The following SLC39A10 variants were observed in gnomAD, a reference collection of about 807,000 sequenced individuals.
SLC39A10 encodes the protein solute carrier family 39 member 10.
SLC39A10 carries 13 observed loss-of-function variants against 65.1 expected under a neutral mutation model. The ratio of observed to expected loss-of-function variants is 0.20; its 90% CI spans 0.13 to 0.32. SLC39A10 has a LOEUF of 0.32. Ranked by LOEUF, SLC39A10 falls within the 10% of genes least tolerant of loss-of-function variation. The pLI is 1.00. For missense variants in SLC39A10, 831 were observed against 1,018.4 expected (o/e 0.82, Z 2.50); for synonymous variants, 321 against 342.2 (o/e 0.94, Z 0.68).
intron 1 of SLC39A10, among the ~76,000 whole-genome samples, chr2:195,676,748 T>G (rs923152426): frequency 6.6e-6 from 1 of 152,232 alleles, no homozygotes; most frequent in African/African-American, 2.4e-5. Context: ...ATTGTCTTGA[T>G]TGTCCTTGGG....
At chr2:195,672,237 C>T (rs1559026072) in intron 1 of SLC39A10, among the ~76,000 whole-genome samples, 1 of 152,076 alleles carries the variant, frequency 6.6e-6, no homozygotes. Context: ...TTCAATCAAT[C>T]CTCCCACCTT....
intron 1 of SLC39A10, among the ~76,000 whole-genome samples, chr2:195,678,150 T>C (rs575865150): frequency 6.6e-6 from 1 of 152,344 alleles, no homozygotes; most frequent in Admixed American, 6.5e-5. Flanking sequence ...TTAAAATTGC[T>C]GTGTAAGTAC....
chr2:195,638,501 G>A (rs933678558), intron 2 of SLC39A10, among the ~76,000 whole-genome samples: 1 of 151,524 alleles, frequency 6.6e-6, no homozygotes, highest in African/African-American at 2.4e-5. Context: ...CACCACACTC[G>A]GCTAATTTTT....
At chr2:195,663,390 G>A (rs1051896259) in intron 1 of SLC39A10, among the ~76,000 whole-genome samples, 1 of 152,148 alleles carries the variant, frequency 6.6e-6, no homozygotes, top group Non-Finnish European at 1.5e-5. Flanking sequence ...GAGGAACATA[G>A]CTTCTTGATG....
intron 2 of SLC39A10, among the ~76,000 whole-genome samples, chr2:195,649,069 G>A (rs995947150): frequency 4.6e-5 from 7 of 151,988 alleles, no homozygotes; most frequent in African/African-American, 1.2e-4. Flanking sequence ...GCTAACCACC[G>A]GGCACTGCCA....
In SLC39A10 at chr2:195,683,923, G is replaced by A; in HGVS notation, c.1216+17G>A. ...GGGCATCAGGTAAGAGAGATTTTAA[G>A]TTTTTTCTCCTTAAAATAGTACCTG... On this transcript the variant is annotated intron_variant, in intron 3 of 9. Transcript: ENST00000359634. The A allele has an allele frequency of 6.3e-7, 1 of 1,578,104 alleles. No homozygotes were observed. Among genetic ancestry groups the A allele is most frequent in the Non-Finnish European group, 8.7e-7 (1 of 1,154,600 alleles).
chr2:195,637,195 G>A (rs1227931896), intron 2 of SLC39A10, among the ~76,000 whole-genome samples: 13 of 152,212 alleles, frequency 8.5e-5, no homozygotes, highest in African/African-American at 1.2e-4. Flanking sequence ...CTCAGGGACA[G>A]AGGCCTCACA....
In SLC39A10 at chr2:195,680,382, A is replaced by G; in HGVS notation, c.340A>G (p.Ile114Val). The change falls in exon 2 of 10, where the codon ATT (isoleucine) becomes GTT (valine). Residue 114 changes from isoleucine (I) to valine (V), a missense_variant. By Grantham distance (29) the Ile-to-Val change is conservative (BLOSUM62 3). Transcript: ENST00000359634. ...CCACGATCATGTTTCTCATTTAGATATTTTGGCAGTTCAAGAGGGAAAGCA... is the reference window on the plus strand; with the variant it reads ...CCACGATCATGTTTCTCATTTAGATGTTTTGGCAGTTCAAGAGGGAAAGCA... ...LGHDHVSHLD[I>V]LAVQEGKHFH... 6.2e-7 allele frequency: 1 copy of G among 1,614,138 alleles called. No homozygotes were observed. The highest frequency in any genetic ancestry group is 8.5e-7 in the Non-Finnish European group (1 of 1,180,032).
chr2:195,668,872 C>G (rs1237545863), intron 1 of SLC39A10, among the ~76,000 whole-genome samples: 1 of 152,088 alleles, frequency 6.6e-6, no homozygotes. Context: ...TACCTGAGGT[C>G]AGGAGTTCAA....
Position 195,683,863 on chromosome 2 carries a change from T to C in SLC39A10, c.1173T>C (p.Asp391=). The change falls in exon 3 of 10, where the codon GAT becomes GAC. Residue 391 remains aspartate (D), a synonymous_variant. Coordinates refer to ENST00000359634, the MANE Select transcript of SLC39A10 (RefSeq NM_020342.3). ...TTTTAGTTGAAGATATAAATAAGGA[T>C]AAAAACCTGGTTCCTGAAGATGAGG... ...DKLLVEDINK[D]KNLVPEDEAN... The C allele has an allele frequency of 6.2e-7, 1 of 1,613,066 alleles. No homozygotes were observed. The highest frequency in any genetic ancestry group is 1.1e-5 in the South Asian group (1 of 91,048).
intron 5 of SLC39A10, among the ~76,000 whole-genome samples, chr2:195,709,327 G>A (rs1691522700): frequency 6.6e-6 from 1 of 152,112 alleles, no homozygotes; most frequent in Non-Finnish European, 1.5e-5. Flanking sequence ...CACCTCTTAG[G>A]TTCAAGCAAT....
At chr2:195,666,388 G>C (rs1689637941) in intron 1 of SLC39A10, among the ~76,000 whole-genome samples, 1 of 152,146 alleles carries the variant, frequency 6.6e-6, no homozygotes, top group East Asian at 1.9e-4. Flanking sequence ...CACTGAAAAA[G>C]GGAAGGGTGA....
intron 2 of SLC39A10, among the ~76,000 whole-genome samples, chr2:195,638,983 G>A (rs1688747663): frequency 6.6e-6 from 1 of 150,810 alleles, no homozygotes; most frequent in Non-Finnish European, 1.5e-5. Flanking sequence ...TTTGAGACAG[G>A]GTCATGCTGG....
chr2:195,689,602 G>A (rs1168425363), intron 3 of SLC39A10, among the ~76,000 whole-genome samples: 3 of 151,972 alleles, frequency 2.0e-5, no homozygotes, highest in African/African-American at 7.3e-5. Context: ...TAAGTATACA[G>A]TTTGGTGATA....
chr2:195,629,171 G>A (rs1688531341), intron 2 of SLC39A10, among the ~76,000 whole-genome samples: 1 of 151,988 alleles, frequency 6.6e-6, no homozygotes, highest in African/African-American at 2.4e-5. Flanking sequence ...AGCGGATCAC[G>A]AGGTCAGGAA....
At chr2:195,703,948 C>G (rs1691296974) in intron 3 of SLC39A10, among the ~76,000 whole-genome samples, 1 of 152,166 alleles carries the variant, frequency 6.6e-6, no homozygotes, top group Non-Finnish European at 1.5e-5. Context: ...GCAAAGGACC[C>G]TGAGCCATTA....
chr2:195,690,540 C>A lies in SLC39A10; in HGVS notation c.1216+6634C>A, dbSNP rs1690698385. On this transcript the variant is annotated intron_variant, in intron 3 of 9. Coordinates refer to ENST00000359634, the MANE Select transcript of SLC39A10 (RefSeq NM_020342.3). ...CAGTTTCTCCACATCTTTGCCAACA[C>A]TTGTTTTCTTGATAGTAGTCATCGT... 2.0e-5 allele frequency among the ~76,000 whole-genome samples: 3 copies of A among 152,136 alleles called. No homozygotes were observed. In the South Asian group the frequency reaches 6.2e-4, roughly 32 times the overall value.
Position 195,718,245 on chromosome 2 carries a change from T to C in SLC39A10, c.2066-7T>C, listed in dbSNP as rs1266837388. Reference sequence around the variant, plus strand: ...ACCTCACTTGTTTTTTTTCTTATCTTCCTCAGGTGCAGCTTTCAGTGCTGG... The same window carrying C: ...ACCTCACTTGTTTTTTTTCTTATCTCCCTCAGGTGCAGCTTTCAGTGCTGG... On this transcript the variant is annotated splice_region_variant and splice_polypyrimidine_tract_variant and intron_variant, in intron 7 of 9. Coordinates refer to ENST00000359634, the MANE Select transcript of SLC39A10 (RefSeq NM_020342.3). 6.2e-7 allele frequency: 1 copy of C among 1,604,464 alleles called. No individual in the cohort carries two copies.
At chr2:195,636,748 G>A (rs1688704961) in intron 2 of SLC39A10, among the ~76,000 whole-genome samples, 1 of 151,730 alleles carries the variant, frequency 6.6e-6, no homozygotes. Context: ...GCAAGACTCT[G>A]TCTAAAGAAA....
Sources: gnomAD v4.1 joint callset for allele counts (sites outside exome capture counted in the v4.1 genomes callset) on GRCh38, gnomAD v4.1.1 for gene constraint, MANE v1.5 for transcripts, NCBI Gene and HGNC (gene_info 2026-07-23, HGNC 2026-07-21) for gene names.